The following DNAH5 variants were observed in gnomAD, a reference collection of about 807,000 sequenced individuals.
The protein encoded by DNAH5 is dynein axonemal heavy chain 5.
Under a neutral mutation model 518.2 loss-of-function variants are expected in DNAH5, and 372 were observed. The ratio of observed to expected loss-of-function variants is 0.72; its 90% CI spans 0.66 to 0.78. The LOEUF is 0.78. DNAH5 is among the 30% of genes least tolerant of loss of function. The pLI, the probability that DNAH5 is intolerant of heterozygous loss-of-function variation, is 0.00. For synonymous variants in DNAH5, 2,039 were observed against 2,025.9 expected (o/e 1.01, Z -0.17); for missense variants, 5,523 against 5,687.0 (o/e 0.97, Z 0.93).
At chr5:13,963,903 A>G (rs1482530897) in intron 1 of DNAH5, among the ~76,000 whole-genome samples, 1 of 152,096 alleles carries the variant, frequency 6.6e-6, no homozygotes, top group Admixed American at 6.6e-5. Flanking sequence ...CCTATCCTCA[A>G]GTAATCCTGC....
At chr5:13,985,430 AATATATATATATAT>A (rs145568740) in intron 1 of DNAH5, among the ~76,000 whole-genome samples, 5,004 of 127,274 alleles carry the variant, frequency 0.039, 342 homozygotes, top group African/African-American at 0.13. Context: ...AGTATAATAA[AATATATATATATAT>A]ATATATATAT....
At chr5:13,717,959 A>G (rs1744527451) in intron 72 of DNAH5, among the ~76,000 whole-genome samples, 1 of 152,122 alleles carries the variant, frequency 6.6e-6, no homozygotes, top group Non-Finnish European at 1.5e-5. Flanking sequence ...ACCTGAGTAC[A>G]TGCTCCAAAT....
chr5:13,865,633 C>A (rs769670815), intron 27 of DNAH5, 35 bp downstream of exon 27: 4 of 1,306,304 alleles, frequency 3.1e-6, no homozygotes, highest in East Asian at 4.6e-5. Flanking sequence ...ATTTGAAGTT[C>A]AATTGCTGGG....
intron 1 of DNAH5, among the ~76,000 whole-genome samples, chr5:13,988,312 T>TTTG (rs1783204284): frequency 6.6e-6 from 1 of 152,198 alleles, no homozygotes; most frequent in Admixed American, 6.5e-5. Context: ...GAGGGAGGCA[T>TTTG]TTGTATCACA....
In DNAH5 at chr5:13,814,725, A is replaced by T. The variant is rs1761214730; in HGVS notation, c.7110T>A (p.Ala2370=). Residue 2370 remains alanine, a synonymous_variant, in exon 43 of 79, where the codon GCT becomes GCA. Coordinates refer to ENST00000265104, the MANE Select transcript of DNAH5 (RefSeq NM_001369.3). The part of the protein sequence containing the change: ...TLANGDRIPM[A]PNCKIIFEPH... ...GCTCGAAAATGATCTTGCAGTTTGG[A>T]GCCATGGGAATCCGATCACCATTGG... 1 of 1,614,012 alleles carries T rather than the reference A, an allele frequency of 6.2e-7. No homozygotes were observed. Among genetic ancestry groups the T allele is most frequent in the Non-Finnish European group, 8.5e-7 (1 of 1,180,002 alleles).
Position 13,898,930 on chromosome 5 carries a change from T to A in DNAH5, c.2259+1276A>T, listed in dbSNP as rs2151959113. On this transcript the variant is annotated intron_variant, in intron 15 of 78. Coordinates refer to ENST00000265104, the MANE Select transcript of DNAH5 (RefSeq NM_001369.3). ...TACCCTTGGCTTCCTTTTTTTGTTGTTTTTTGTTTGTTTGTTTTTTGAGAC... is the reference window on the plus strand; with the variant it reads ...TACCCTTGGCTTCCTTTTTTTGTTGATTTTTGTTTGTTTGTTTTTTGAGAC... 1.2e-5 allele frequency: 3 copies of A among 258,508 alleles called. No individual in the cohort carries two copies. In the South Asian group the frequency reaches 5.2e-4, roughly 45 times the overall value. The allele number at this position is 258,508 out of a possible 1,614,324, so 16.0% of individuals were successfully genotyped here. A position where few individuals can be genotyped will look rare whatever the true frequency, so the allele number is the denominator to read the frequency against.
intron 12 of DNAH5, among the ~76,000 whole-genome samples, chr5:13,906,242 G>A (rs565682246): frequency 2.7e-4 from 41 of 152,218 alleles, no homozygotes; most frequent in African/African-American, 9.4e-4. Context: ...GAGCCCTAAT[G>A]TAAACTGTGG....
chr5:13,708,485 A>C, intron 75 of DNAH5, 150 bp from the exon 76 acceptor site: 1 of 778,060 alleles, frequency 1.3e-6, no homozygotes, highest in Non-Finnish European at 2.1e-6. Context: ...AGAAAAAAAA[A>C]AAGAAAAGAA....
chr5:13,701,021 A>T, intron 77 of DNAH5, 150 bp from the exon 78 acceptor site: 2 of 959,644 alleles, frequency 2.1e-6, no homozygotes, highest in Non-Finnish European at 3.2e-6. Context: ...CTCATTAAAA[A>T]AACCACATCC....
At position 13,839,336 on chromosome 5, in the gene DNAH5, G is replaced by A; in HGVS notation, c.5882+20C>T. 1 of 1,612,066 alleles carries A rather than the reference G, an allele frequency of 6.2e-7. No individual in the cohort carries two copies. Among genetic ancestry groups the A allele is most frequent in the Admixed American group, 1.7e-5 (1 of 60,016 alleles). ...CGAGAGAATAAAAATGGTGGGGGTT[G>A]GGGAGAAGGGTTCCATCACCTGTCT... is the stretch of plus-strand genomic sequence containing the variant. On this transcript the variant is annotated intron_variant, in intron 35 of 78. Coordinates refer to ENST00000265104, the MANE Select transcript of DNAH5 (RefSeq NM_001369.3).
intron 1 of DNAH5, among the ~76,000 whole-genome samples, chr5:14,005,578 G>A (rs1561074667): frequency 6.6e-6 from 1 of 152,210 alleles, no homozygotes; most frequent in East Asian, 1.9e-4. Context: ...CAGCTGATGA[G>A]AAAAATCTTC....
intron 76 of DNAH5, among the ~76,000 whole-genome samples, chr5:13,705,181 A>G (rs567626724): frequency 7.9e-5 from 12 of 151,972 alleles, no homozygotes; most frequent in Non-Finnish European, 1.3e-4. Flanking sequence ...TTTTTAGTAG[A>G]GACGGGGTTT....
intron 1 of DNAH5, among the ~76,000 whole-genome samples, chr5:13,993,572 T>C (rs541208873): frequency 6.6e-6 from 1 of 152,352 alleles, no homozygotes; most frequent in East Asian, 1.9e-4. Flanking sequence ...AATTGCCCTA[T>C]ATGCTCAGCA....
At position 13,757,055 on chromosome 5, in the gene DNAH5, C is replaced by T. The variant is rs568159176; in HGVS notation, c.10419+1791G>A. The stretch of plus-strand genomic sequence containing the variant: ...ACAATCTCATTCTTTTTTATAGCTG[C>T]GTGGTATTCCATGGTGTACATGTAC... On this transcript the variant is annotated intron_variant, in intron 61 of 78. Transcript: ENST00000265104. 4.6e-5 allele frequency among the ~76,000 whole-genome samples: 7 copies of T among 152,320 alleles called. No homozygotes were observed. The East Asian group carries it at 9.6e-4, about 21-fold the overall frequency.
chr5:13,881,321 A>G (rs1771650719), intron 21 of DNAH5, among the ~76,000 whole-genome samples: 1 of 152,044 alleles, frequency 6.6e-6, no homozygotes, highest in Admixed American at 6.5e-5. Flanking sequence ...AGAATATTCC[A>G]TCTAACAGAA....
intron 11 of DNAH5, among the ~76,000 whole-genome samples, chr5:13,912,564 A>C (rs1340449862): frequency 6.6e-6 from 1 of 151,688 alleles, no homozygotes; most frequent in Non-Finnish European, 1.5e-5. Context: ...AAAAGAATCA[A>C]AAGTATGTGT....
At chr5:13,777,469 T>A (rs906058145) in intron 53 of DNAH5, 114 bp from the exon 54 acceptor site, 2 of 844,166 alleles carry the variant, frequency 2.4e-6, no homozygotes, top group African/African-American at 3.4e-5. Flanking sequence ...TTTTGTTCTA[T>A]CGTATACGTA....
At chr5:13,801,794 T>C (rs1758796705) in intron 47 of DNAH5, among the ~76,000 whole-genome samples, 1 of 152,290 alleles carries the variant, frequency 6.6e-6, no homozygotes. Flanking sequence ...TTCCAGACAG[T>C]CCTTCTCACT....
chr5:13,952,194 A>T (rs2152037463), intron 1 of DNAH5, among the ~76,000 whole-genome samples: 1 of 152,330 alleles, frequency 6.6e-6, no homozygotes, highest in Non-Finnish European at 1.5e-5. Flanking sequence ...AAATCCGTGA[A>T]AATAAGCAAG....
Sources: gnomAD v4.1 joint callset for allele counts (sites outside exome capture counted in the v4.1 genomes callset) on GRCh38, gnomAD v4.1.1 for gene constraint, MANE v1.5 for transcripts, NCBI Gene and HGNC (gene_info 2026-07-23, HGNC 2026-07-21) for gene names.